The following EPC1 variants were observed in gnomAD, a reference collection of about 807,000 sequenced individuals.
EPC1 encodes the protein enhancer of polycomb 1, also known as enhancer of polycomb homolog 1.
EPC1 carries 12 observed loss-of-function variants against 98.4 expected under a neutral mutation model. The observed-to-expected ratio is 0.12, with a 90% CI of 0.08 to 0.20. The LOEUF (loss-of-function observed/expected upper bound fraction) is 0.20. Ranked by LOEUF, EPC1 falls within the 10% of genes least tolerant of loss-of-function variation. The pLI is 1.00. For missense variants in EPC1, 729 were observed against 990.5 expected (o/e 0.74, Z 3.54); for synonymous variants, 357 against 363.9 (o/e 0.98, Z 0.21).
At chr10:32,346,201 G>A (rs186948334) in intron 1 of EPC1, among the ~76,000 whole-genome samples, 6 of 152,334 alleles carry the variant, frequency 3.9e-5, no homozygotes, top group East Asian at 1.9e-4. Flanking sequence ...TGACATGCCC[G>A]TCTGAGGCTC....
rs1836600161 is a variant in EPC1 at position 32,284,972 on chromosome 10, T to C, written c.1470A>G (p.Gln490=). 2 of 1,614,220 alleles carry C rather than the reference T, an allele frequency of 1.2e-6. No homozygotes were observed. Among genetic ancestry groups the C allele is most frequent in the Non-Finnish European group, 1.7e-6 (2 of 1,180,038 alleles). The part of the protein sequence containing the change: ...HLDLEMLSSP[Q]HSPVNQFANT... ...TGGCAAACTGATTGACTGGAGAATG[T>C]TGTGGTGAGGAAAGCATTTCCAAAT... Residue 490 remains glutamine (Q), a synonymous_variant, in exon 10 of 14, where the codon CAA becomes CAG. Coordinates refer to ENST00000319778, the MANE Select transcript of EPC1 (RefSeq NM_001272004.3).
Position 32,347,066 on chromosome 10 carries a change from C to T in EPC1, c.-151G>A. ...CCGCCGTCCGGGCACTAACACCAGCCGGGAGGGTGGGAGGCTGTGCCGCTC... is the reference window on the plus strand; with the variant it reads ...CCGCCGTCCGGGCACTAACACCAGCTGGGAGGGTGGGAGGCTGTGCCGCTC... On this transcript the variant is annotated 5_prime_UTR_variant, in exon 1 of 14. Coordinates refer to ENST00000319778, the MANE Select transcript of EPC1 (RefSeq NM_001272004.3). The T allele has an allele frequency of 6.9e-7, 1 of 1,457,326 alleles. No individual in the cohort carries two copies. The highest frequency in any genetic ancestry group is 1.4e-5 in the South Asian group (1 of 71,544). The allele number at this position is 1,457,326 out of a possible 1,614,324, so 90.3% of individuals were successfully genotyped here. A position where few individuals can be genotyped will look rare whatever the true frequency, so the allele number is the denominator to read the frequency against.
At chr10:32,376,065 T>C (rs11008902) in intron 1 of EPC1, among the ~76,000 whole-genome samples, 25,344 of 151,922 alleles carry the variant, frequency 0.17, 2,254 homozygotes, top group South Asian at 0.24. Flanking sequence ...TTTTGCCTCA[T>C]AGATTTCAAC....
intron 1 of EPC1, among the ~76,000 whole-genome samples, chr10:32,343,128 A>G (rs1264497326): frequency 2.3e-5 from 2 of 85,326 alleles, no homozygotes; most frequent in Non-Finnish European, 2.9e-5. Flanking sequence ...CTCAGAGCTG[A>G]AAGTCTATTA....
At chr10:32,288,318 T>C (rs1029463821) in intron 6 of EPC1, among the ~76,000 whole-genome samples, 20 of 115,966 alleles carry the variant, frequency 1.7e-4, no homozygotes, top group South Asian at 5.4e-4. Context: ...TTTTCTTTTT[T>C]TTTTTTTTTT....
chr10:32,331,350 C>G (rs1313033075), intron 1 of EPC1, among the ~76,000 whole-genome samples: 1 of 148,166 alleles, frequency 6.7e-6, no homozygotes, highest in East Asian at 2.0e-4. Context: ...AAAACTCCAT[C>G]TCAAAAGAAA....
intron 1 of EPC1, among the ~76,000 whole-genome samples, chr10:32,337,226 T>C (rs1407633716): frequency 6.6e-6 from 1 of 152,258 alleles, no homozygotes; most frequent in African/African-American, 2.4e-5. Context: ...TCGGCCTCAC[T>C]ACTGAGACAA....
chr10:32,283,289 G>A (rs990284117), intron 10 of EPC1: 3 of 151,948 alleles, frequency 2.0e-5, no homozygotes, highest in African/African-American at 7.2e-5. Flanking sequence ...TACACTTAAT[G>A]ATTAGTAAAT....
intron 1 of EPC1, among the ~76,000 whole-genome samples, chr10:32,373,809 T>C (rs1196985549): frequency 1.3e-5 from 2 of 152,198 alleles, no homozygotes; most frequent in Non-Finnish European, 1.5e-5. Flanking sequence ...TTGAACCAAA[T>C]CTAAAACTCA....
chr10:32,299,151 A>G lies in EPC1; in HGVS notation c.314-5414T>C, dbSNP rs1266071635. Among the ~76,000 whole-genome samples, 7 of 152,172 alleles carry G rather than the reference A, an allele frequency of 4.6e-5. No individual in the cohort carries two copies. The East Asian group carries it at 1.4e-3, about 29-fold the overall frequency. On this transcript the variant is annotated intron_variant, in intron 2 of 13. Coordinates refer to ENST00000319778, the MANE Select transcript of EPC1 (RefSeq NM_001272004.3). ...TCTTTATTTTTTCATTTTCGAAGCC[A>G]TAGGAGGGTACATTATATTCATAAT...
At chr10:32,321,239 C>T (rs1328286771) in intron 1 of EPC1, among the ~76,000 whole-genome samples, 1 of 152,066 alleles carries the variant, frequency 6.6e-6, no homozygotes, top group Non-Finnish European at 1.5e-5. Flanking sequence ...CTGCTTTTGC[C>T]CTTCACCAAG....
chr10:32,287,155 A>G lies in EPC1; in HGVS notation c.1095T>C (p.Asn365=), dbSNP rs1836732356. ...QTSPAALPVF[N]AKDLNQYDFP... ...AGTCATACTGATTCAGATCTTTAGC[A>G]TTGAAGACTGGCAGTGCAGCAGGAC... Residue 365 remains asparagine, a synonymous_variant, in exon 7 of 14, where the codon AAT becomes AAC. Transcript: ENST00000319778. The G allele has an allele frequency of 6.2e-7, 1 of 1,614,194 alleles. No individual in the cohort carries two copies. Among genetic ancestry groups the G allele is most frequent in the Non-Finnish European group, 8.5e-7 (1 of 1,180,030 alleles).
chr10:32,361,935 C>G (rs896115827), intron 1 of EPC1, among the ~76,000 whole-genome samples: 1 of 152,118 alleles, frequency 6.6e-6, no homozygotes, highest in African/African-American at 2.4e-5. Context: ...ACCATCAAAA[C>G]CAAGATAGTG....
rs576816759 is a variant in EPC1 at position 32,299,218 on chromosome 10, C to T, written c.314-5481G>A. 3.9e-5 allele frequency among the ~76,000 whole-genome samples: 6 copies of T among 152,152 alleles called. No homozygotes were observed. The East Asian group carries it at 9.7e-4, about 24-fold the overall frequency. ...TTTGTTTTTTTGAGATGGAATCTCA[C>T]GCTGTCACCCAGACTGGAGTGCAGT... On this transcript the variant is annotated intron_variant, in intron 2 of 13. Coordinates refer to ENST00000319778, the MANE Select transcript of EPC1 (RefSeq NM_001272004.3).
At chr10:32,370,389 AT>A (rs1227370548) in intron 1 of EPC1, among the ~76,000 whole-genome samples, 1 of 152,182 alleles carries the variant, frequency 6.6e-6, no homozygotes, top group African/African-American at 2.4e-5. Context: ...GGTTGCTTCA[AT>A]AGCCGTAAGC....
chr10:32,301,169 A>G (rs1056531041), intron 2 of EPC1, among the ~76,000 whole-genome samples: 10 of 152,038 alleles, frequency 6.6e-5, no homozygotes, highest in Non-Finnish European at 1.5e-4. Context: ...CACATTGACT[A>G]CCCTTTTAAA....
intron 11 of EPC1, among the ~76,000 whole-genome samples, chr10:32,272,542 A>G (rs1835895376): frequency 6.6e-6 from 1 of 152,240 alleles, no homozygotes; most frequent in South Asian, 2.1e-4. Flanking sequence ...ATGAATATGT[A>G]AACTTCCTTC....
chr10:32,339,568 C>T (rs1334357830), intron 1 of EPC1, among the ~76,000 whole-genome samples: 1 of 152,054 alleles, frequency 6.6e-6, no homozygotes, highest in African/African-American at 2.4e-5. Context: ...TAATAACAAC[C>T]TAAGTTAAAA....
At chr10:32,282,209 A>G (rs1836446077) in intron 10 of EPC1, 1 of 152,044 alleles carries the variant, frequency 6.6e-6, no homozygotes, top group African/African-American at 2.4e-5. Context: ...AGACAACAGG[A>G]AAAAAAATAG....
Sources: gnomAD v4.1 joint callset for allele counts (sites outside exome capture counted in the v4.1 genomes callset) on GRCh38, gnomAD v4.1.1 for gene constraint, MANE v1.5 for transcripts, NCBI Gene and HGNC (gene_info 2026-07-23, HGNC 2026-07-21) for gene names.